NUDT19: variants seen among roughly 807,000 people sequenced by gnomAD.
The protein encoded by NUDT19 is acyl-coenzyme A diphosphatase NUDT19.
In NUDT19, 31 loss-of-function variants were observed where a neutral mutation model predicts 22.2. The ratio of observed to expected loss-of-function variants is 1.40; its 90% CI spans 1.05 to 1.89. NUDT19 has a LOEUF of 1.89. Among genes scored for constraint, NUDT19 ranks in the 40% most tolerant of loss-of-function variants. The probability of loss-of-function intolerance (pLI) is 0.00; values close to 1 mark genes in which losing one functional copy is unlikely to be tolerated. For synonymous variants in NUDT19, 325 were observed against 230.8 expected (o/e 1.41, Z -3.70); for missense variants, 752 against 514.2 (o/e 1.46, Z -4.47).
rs762095140 is a variant in NUDT19, at chr19:32,706,321, G to GGA, written c.715-2849_715-2848dup. Among the ~76,000 whole-genome samples, 453 of 151,738 alleles carry GGA rather than the reference G, an allele frequency of 3.0e-3. 2 individuals are homozygous for GGA. Among genetic ancestry groups the GGA allele is most frequent in the African/African-American group, 9.9e-3 (408 of 41,386 alleles). ...AAGGTCTGAAAATATTAAGATATTT[G>GGA]GAGAGAGAGAGAGAGACCACATTCA... is the stretch of plus-strand genomic sequence containing the variant. On this transcript the variant is annotated intron_variant, in intron 1 of 2. Transcript: ENST00000397061.
chr19:32,708,823 C>T (rs1968415379), intron 1 of NUDT19, among the ~76,000 whole-genome samples: 1 of 152,212 alleles, frequency 6.6e-6, no homozygotes, highest in East Asian at 1.9e-4. Flanking sequence ...ACCAAATTCT[C>T]CATCTACTGT....
intron 2 of NUDT19, among the ~76,000 whole-genome samples, chr19:32,709,746 G>A (rs1968426227): frequency 1.3e-5 from 2 of 151,336 alleles, no homozygotes; most frequent in South Asian, 2.1e-4. Context: ...CACCTCCCAG[G>A]TTCAAGCAAT....
intron 2 of NUDT19, 85 bp from the exon 3 acceptor site, chr19:32,711,667 C>T (rs969596510): frequency 1.8e-5 from 13 of 739,082 alleles, no homozygotes; most frequent in Admixed American, 2.7e-5. Flanking sequence ...AAATAATACT[C>T]GATGGAATTA....
At chr19:32,705,842 C>T (rs1260803890) in intron 1 of NUDT19, among the ~76,000 whole-genome samples, 3 of 152,094 alleles carry the variant, frequency 2.0e-5, no homozygotes, top group Non-Finnish European at 2.9e-5. Flanking sequence ...ACCTCTGCCT[C>T]CCAAAGTGCT....
intron 2 of NUDT19, among the ~76,000 whole-genome samples, chr19:32,710,234 G>C (rs1463645632): frequency 6.6e-6 from 1 of 150,634 alleles, no homozygotes; most frequent in Non-Finnish European, 1.5e-5. Context: ...GGCTGGTCTT[G>C]AACTCCTGAC....
At chr19:32,709,517 C>A in intron 2 of NUDT19, 125 bp downstream of exon 2, 1 of 730,388 alleles carries the variant, frequency 1.4e-6, no homozygotes, top group Admixed American at 2.4e-5. Flanking sequence ...AGGGTATTAG[C>A]TAAGTAAGAT....
intron 1 of NUDT19, among the ~76,000 whole-genome samples, chr19:32,693,332 G>C (rs966417418): frequency 6.6e-6 from 1 of 152,176 alleles, no homozygotes; most frequent in Non-Finnish European, 1.5e-5. Context: ...AGCTCTTAAA[G>C]GTGGTGCGTC....
chr19:32,700,706 T>C (rs963535505), intron 1 of NUDT19, among the ~76,000 whole-genome samples: 4 of 152,178 alleles, frequency 2.6e-5, no homozygotes, highest in African/African-American at 9.7e-5. Context: ...TTGGGGATTA[T>C]TGGCATAAGC....
chr19:32,692,038 C>T lies in NUDT19; in HGVS notation c.78C>T (p.Arg26=). The T allele has an allele frequency of 7.8e-7, 1 of 1,274,946 alleles. No homozygotes were observed. Among genetic ancestry groups the T allele is most frequent in the Non-Finnish European group, 9.8e-7 (1 of 1,016,514 alleles). The allele number at this position is 1,274,946 out of a possible 1,614,324, so 79.0% of individuals were successfully genotyped here. A position where few individuals can be genotyped will look rare whatever the true frequency, so the allele number is the denominator to read the frequency against. The part of the protein sequence containing the change: ...ASIVLAAGWS[R]PETATPPSRP... ...TCGTCCTGGCGGCTGGCTGGTCGCG[C>T]CCGGAGACCGCCACCCCGCCGTCGC... is the stretch of plus-strand genomic sequence containing the variant. Residue 26 remains arginine, a synonymous_variant, in exon 1 of 3, where the codon CGC becomes CGT. Transcript: ENST00000397061.
intron 1 of NUDT19, among the ~76,000 whole-genome samples, chr19:32,706,351 CT>C (rs948338913): frequency 1.5e-3 from 222 of 152,310 alleles, no homozygotes; most frequent in African/African-American, 4.9e-3. Flanking sequence ...CATTCACCAA[CT>C]TTTACTACAC....
chr19:32,704,742 A>G (rs1401775862), intron 1 of NUDT19, among the ~76,000 whole-genome samples: 4 of 151,864 alleles, frequency 2.6e-5, no homozygotes, highest in Non-Finnish European at 5.9e-5. Flanking sequence ...ATGTCTTGCA[A>G]TTTTTATTGA....
intron 1 of NUDT19, among the ~76,000 whole-genome samples, chr19:32,708,599 C>G (rs1968412957): frequency 6.6e-6 from 1 of 152,152 alleles, no homozygotes; most frequent in African/African-American, 2.4e-5. Flanking sequence ...AGTTATTACT[C>G]TCTTGACTGT....
intron 1 of NUDT19, among the ~76,000 whole-genome samples, chr19:32,699,893 C>G (rs1328165353): frequency 6.6e-6 from 1 of 152,108 alleles, no homozygotes; most frequent in Non-Finnish European, 1.5e-5. Context: ...TTCGTGGTCT[C>G]ACTGACTTTA....
rs1043209167 is a variant in NUDT19 at position 32,692,127 on chromosome 19, T to C, written c.167T>C (p.Met56Thr). 1.6e-5 allele frequency: 23 copies of C among 1,471,660 alleles called. No individual in the cohort carries two copies. The African/African-American group carries it at 2.0e-4, about 13-fold the overall frequency. 91.2% of individuals were successfully genotyped at this position (1,471,660 alleles called of 1,614,324 possible). A position where few individuals can be genotyped will look rare whatever the true frequency, so the allele number is the denominator to read the frequency against. Residue 56 changes from methionine (M) to threonine (T), a missense_variant, in exon 1 of 3, where the codon ATG becomes ACG. Coordinates refer to ENST00000397061, the MANE Select transcript of NUDT19 (RefSeq NM_001105570.2). ...LLQRSPHQGF[M>T]PGAHVFSGGV... ...CAGCGCTCCCCGCACCAAGGCTTCATGCCGGGCGCGCACGTCTTCTCCGGC... is the reference window on the plus strand; with the variant it reads ...CAGCGCTCCCCGCACCAAGGCTTCACGCCGGGCGCGCACGTCTTCTCCGGC...
rs199636924 is a variant in NUDT19, at chr19:32,692,583, C to T, written c.623C>T (p.Thr208Ile). The T allele has an allele frequency of 4.0e-4, 643 of 1,588,704 alleles. No homozygotes were observed. The highest frequency in any genetic ancestry group is 2.7e-4 in the Non-Finnish European group (315 of 1,170,890). The change falls in exon 1 of 3, where the codon ACC becomes ATC. Residue 208 changes from threonine (T) to isoleucine (I), a missense_variant. Physicochemically the swap from Thr to Ile is moderately conservative, Grantham distance 89. Transcript: ENST00000397061. ...TGGCTCACCCCTTTCTTGCGGGGCA[C>T]CACTCGCCGCTTTGACACGGCCTTC... ...SAWLTPFLRG[T>I]TRRFDTAFFL...
At chr19:32,698,283 G>T (rs1293521647) in intron 1 of NUDT19, among the ~76,000 whole-genome samples, 1 of 152,156 alleles carries the variant, frequency 6.6e-6, no homozygotes, top group Non-Finnish European at 1.5e-5. Context: ...TTGGGGCCAG[G>T]CTGTAGTATA....
intron 1 of NUDT19, among the ~76,000 whole-genome samples, chr19:32,692,918 C>T (rs560745443): frequency 1.2e-4 from 18 of 152,272 alleles, no homozygotes; most frequent in Non-Finnish European, 2.4e-4. Flanking sequence ...CCACGTGGTT[C>T]CTCCAGCGTG....
At chr19:32,707,838 C>T (rs1201386450) in intron 1 of NUDT19, among the ~76,000 whole-genome samples, 3 of 151,582 alleles carry the variant, frequency 2.0e-5, no homozygotes, top group African/African-American at 7.3e-5. Flanking sequence ...ATTAGCCGGG[C>T]GTGGTGGCAG....
chr19:32,704,919 C>T (rs1168081655), intron 1 of NUDT19, among the ~76,000 whole-genome samples: 33 of 151,344 alleles, frequency 2.2e-4, no homozygotes, highest in Admixed American at 1.3e-3. Flanking sequence ...CCAGCCTGGC[C>T]AACATGGTGA....
Sources: allele counts gnomAD v4.1 joint callset (sites outside exome capture counted in the v4.1 genomes callset), GRCh38; gene constraint gnomAD v4.1.1; transcripts MANE v1.5; gene names NCBI Gene and HGNC (gene_info 2026-07-23, HGNC 2026-07-21).